ACTL10: variants seen among roughly 807,000 people sequenced by gnomAD.
ACTL10 encodes actin-like protein 10.
For missense variants in ACTL10, 413 were observed against 359.4 expected, an observed-to-expected ratio of 1.15 and a Z score of -1.21; for synonymous variants, 180 against 169.9, an observed-to-expected ratio of 1.06 and a Z score of -0.46.
At position 33,668,028 on chromosome 20, in the gene ACTL10, G is replaced by C. The variant is rs1199548854; in HGVS notation, c.531G>C (p.Glu177Asp). The change falls in exon 1 of 1, where the codon GAG (glutamate) becomes GAC (aspartate). Residue 177 changes from glutamate to aspartate, a missense_variant. Coordinates refer to ENST00000677665, the MANE Select transcript of ACTL10 (RefSeq NM_001024675.2). Reference sequence around the variant, plus strand: ...CCACACTGTTTCCTGGCTTCGCCGAGCGCCTGGACAAGGAGCTGGAGGCGC... The same window carrying C: ...CCACACTGTTTCCTGGCTTCGCCGACCGCCTGGACAAGGAGCTGGAGGCGC... ...GGSTLFPGFA[E>D]RLDKELEAQC... 3 of 1,544,976 alleles carry C rather than the reference G, an allele frequency of 1.9e-6. No homozygotes were observed. In the Admixed American group the frequency reaches 6.0e-5, roughly 31 times the overall value.
chr20:33,667,190 G>C lies in ACTL10; in HGVS notation c.-308G>C. The stretch of plus-strand genomic sequence containing the variant: ...GGCTTCACCAAGGCGGGCTTCGCGG[G>C]CGAGAACCAGCCGCGCATAGTGCTG... On this transcript the variant is annotated 5_prime_UTR_variant, in exon 1 of 1. Coordinates refer to ENST00000677665, the MANE Select transcript of ACTL10 (RefSeq NM_001024675.2). 1 of 288,970 alleles carries C rather than the reference G, an allele frequency of 3.5e-6. No individual in the cohort carries two copies. Among genetic ancestry groups the C allele is most frequent in the Non-Finnish European group, 6.4e-6 (1 of 155,672 alleles). The allele number at this position is 288,970 out of a possible 1,614,324, so 17.9% of individuals were successfully genotyped here.
In ACTL10 at chr20:33,667,566, C is replaced by A; in HGVS notation, c.69C>A (p.Gly23=). 1 of 1,554,200 alleles carries A rather than the reference C, an allele frequency of 6.4e-7. No individual in the cohort carries two copies. Among genetic ancestry groups the A allele is most frequent in the Non-Finnish European group, 8.7e-7 (1 of 1,151,896 alleles). Residue 23 remains glycine (G), a synonymous_variant, in exon 1 of 1, where the codon GGC becomes GGA. Transcript: ENST00000677665. The part of the protein sequence containing the change: ...GAFSGLAVEA[G]AGVCHATPIY... ...TCAGCGGGCTGGCCGTGGAGGCGGG[C>A]GCGGGCGTGTGCCACGCCACGCCCA...
In ACTL10 at chr20:33,667,827, C is replaced by G. The variant is rs1444464767; in HGVS notation, c.330C>G (p.Asn110Lys). 6.2e-7 allele frequency: 1 copy of G among 1,611,642 alleles called. No individual in the cohort carries two copies. Among genetic ancestry groups the G allele is most frequent in the African/African-American group, 1.3e-5 (1 of 74,920 alleles). ...ATCCGGCCAGTTTCAGCGTGGGTAACGGGTGCTGCGTCTGCCTCAGCAGTG... is the reference window on the plus strand; with the variant it reads ...ATCCGGCCAGTTTCAGCGTGGGTAAGGGGTGCTGCGTCTGCCTCAGCAGTG... ...RHHPASFSVG[N>K]GCCVCLSSER... Residue 110 changes from asparagine (N) to lysine (K), a missense_variant, in exon 1 of 1, where the codon AAC becomes AAG. Transcript: ENST00000677665.
chr20:33,668,252 G>T lies in ACTL10; in HGVS notation c.*17G>T. On this transcript the variant is annotated 3_prime_UTR_variant, in exon 1 of 1. Coordinates refer to ENST00000677665, the MANE Select transcript of ACTL10 (RefSeq NM_001024675.2). ...TTCAACTGAGTCAGGCTGGACTGGGGGGGGTGGCACTGCGTTGGGGGACAG... is the reference window on the plus strand; with the variant it reads ...TTCAACTGAGTCAGGCTGGACTGGGTGGGGTGGCACTGCGTTGGGGGACAG... The T allele has an allele frequency of 6.4e-7, 1 of 1,562,132 alleles. No homozygotes were observed. The highest frequency in any genetic ancestry group is 1.2e-5 in the South Asian group (1 of 84,464).
At position 33,667,477 on chromosome 20, in the gene ACTL10, C is replaced by T; in HGVS notation, c.-21C>T. 6.8e-7 allele frequency: 1 copy of T among 1,467,920 alleles called. No individual in the cohort carries two copies. The highest frequency in any genetic ancestry group is 1.4e-5 in the South Asian group (1 of 73,004). The allele number at this position is 1,467,920 out of a possible 1,614,324, so 90.9% of individuals were successfully genotyped here. A position where few individuals can be genotyped will look rare whatever the true frequency, so the allele number is the denominator to read the frequency against. ...GGTGGCGGAGCTGCTGTTCGAGACC[C>T]TGGCAGTGCCCGCGTGCCACATGGC... On this transcript the variant is annotated 5_prime_UTR_variant, in exon 1 of 1. Coordinates refer to ENST00000677665, the MANE Select transcript of ACTL10 (RefSeq NM_001024675.2).
Position 33,667,804 on chromosome 20 carries a change from C to T in ACTL10, c.307C>T (p.Pro103Ser), listed in dbSNP as rs1485861335. Reference protein sequence around the residue: ...GDLRDPARHHPASFSVGNGCC... With the variant: ...GDLRDPARHHSASFSVGNGCC... ...CCTCCGCGACCCCGCCCGCCACCAT[C>T]CGGCCAGTTTCAGCGTGGGTAACGG... The change falls in exon 1 of 1, where the codon CCG becomes TCG. Residue 103 changes from proline (P) to serine (S), a missense_variant. Pro to Ser is a moderately conservative substitution (Grantham distance 74, BLOSUM62 -1). Transcript: ENST00000677665. 7 of 1,612,520 alleles carry T rather than the reference C, an allele frequency of 4.3e-6. No individual in the cohort carries two copies. Among genetic ancestry groups the T allele is most frequent in the Non-Finnish European group, 8.5e-7 (1 of 1,179,874 alleles).
In ACTL10 at chr20:33,668,076, G is replaced by A. The variant is rs41290882; in HGVS notation, c.579G>A (p.Ala193=). ...LEAQCRRHGY[A]ALRPHLVAKH... ...CGCAGTGCCGGCGGCACGGCTACGC[G>A]GCCCTGCGGCCCCACCTGGTGGCCA... is the stretch of plus-strand genomic sequence containing the variant. Residue 193 remains alanine, a synonymous_variant, in exon 1 of 1, where the codon GCG becomes GCA. Coordinates refer to ENST00000677665, the MANE Select transcript of ACTL10 (RefSeq NM_001024675.2). The A allele has an allele frequency of 8.2e-6, 13 of 1,583,948 alleles. No homozygotes were observed. Among genetic ancestry groups the A allele is most frequent in the Non-Finnish European group, 8.6e-6 (10 of 1,165,752 alleles).
In ACTL10 at chr20:33,667,484, T is replaced by TGCCC; in HGVS notation, c.-11_-8dup. ...GAGCTGCTGTTCGAGACCCTGGCAG[T>TGCCC]GCCCGCGTGCCACATGGCTAGCACC... On this transcript the variant is annotated 5_prime_UTR_variant, in exon 1 of 1. Transcript: ENST00000677665. 1 of 1,470,948 alleles carries TGCCC rather than the reference T, an allele frequency of 6.8e-7. No individual in the cohort carries two copies. Among genetic ancestry groups the TGCCC allele is most frequent in the Non-Finnish European group, 9.0e-7 (1 of 1,114,662 alleles). 91.1% of individuals were successfully genotyped at this position (1,470,948 alleles called of 1,614,324 possible).
In ACTL10 at chr20:33,668,256, GT is replaced by G; in HGVS notation, c.*22del. On this transcript the variant is annotated 3_prime_UTR_variant, in exon 1 of 1. Transcript: ENST00000677665. ...ACTGAGTCAGGCTGGACTGGGGGGG[GT>G]GGCACTGCGTTGGGGGACAGCTCTC... is the stretch of plus-strand genomic sequence containing the variant. 6.4e-7 allele frequency: 1 copy of G among 1,556,646 alleles called. No individual in the cohort carries two copies. The highest frequency in any genetic ancestry group is 8.7e-7 in the Non-Finnish European group (1 of 1,149,356).
chr20:33,667,872 A>T lies in ACTL10; in HGVS notation c.375A>T (p.Glu125Asp), dbSNP rs763745772. ...CLSSERFRCP[E>D]PIFQPGLLGQ... ...GCAGTGAGCGCTTCCGCTGCCCCGA[A>T]CCCATCTTCCAGCCGGGCCTGCTGG... The change falls in exon 1 of 1, where the codon GAA becomes GAT. Residue 125 changes from glutamate (E) to aspartate (D), a missense_variant. Glu to Asp is a conservative substitution (Grantham distance 45). Coordinates refer to ENST00000677665, the MANE Select transcript of ACTL10 (RefSeq NM_001024675.2). The T allele has an allele frequency of 1.2e-5, 20 of 1,600,054 alleles. No individual in the cohort carries two copies. Among genetic ancestry groups the T allele is most frequent in the Middle Eastern group, 1.7e-4 (1 of 5,966 alleles).
chr20:33,668,235 A>G lies in ACTL10; in HGVS notation c.738A>G (p.Ter246TrpextTer18). The change falls in exon 1 of 1, where the codon TGA (stop) becomes TGG (tryptophan). Residue 246 changes from the stop codon to tryptophan (W), a stop_lost. Transcript: ENST00000677665. The stretch of plus-strand genomic sequence containing the variant: ...GGCTGCTGTACGATGTGTTCAACTG[A>G]GTCAGGCTGGACTGGGGGGGGTGGC... ...GSRLLYDVFN* is the reference protein window; with the variant it reads ...GSRLLYDVFNW The G allele has an allele frequency of 6.4e-7, 1 of 1,574,178 alleles. No individual in the cohort carries two copies. Among genetic ancestry groups the G allele is most frequent in the Non-Finnish European group, 8.6e-7 (1 of 1,157,200 alleles).
chr20:33,667,334 G>C lies in ACTL10; in HGVS notation c.-164G>C. On this transcript the variant is annotated 5_prime_UTR_variant, in exon 1 of 1. Transcript: ENST00000677665. Reference sequence around the variant, plus strand: ...ATCAAGCACGGCGTGGTGGCGGACTGGGAGGCGCTGGAAGGGCTGTGGGAG... The same window carrying C: ...ATCAAGCACGGCGTGGTGGCGGACTCGGAGGCGCTGGAAGGGCTGTGGGAG... The C allele has an allele frequency of 1.1e-6, 1 of 913,450 alleles. No homozygotes were observed. The highest frequency in any genetic ancestry group is 1.5e-6 in the Non-Finnish European group (1 of 679,002). 56.6% of individuals were successfully genotyped at this position (913,450 alleles called of 1,614,324 possible). A position where few individuals can be genotyped will look rare whatever the true frequency, so the allele number is the denominator to read the frequency against.
At position 33,667,847 on chromosome 20, in the gene ACTL10, G is replaced by A. The variant is rs1353339304; in HGVS notation, c.350G>A (p.Ser117Asn). 2 of 1,609,134 alleles carry A rather than the reference G, an allele frequency of 1.2e-6. No individual in the cohort carries two copies. Among genetic ancestry groups the A allele is most frequent in the East Asian group, 2.2e-5 (1 of 44,690 alleles). Residue 117 changes from serine to asparagine, a missense_variant, in exon 1 of 1, where the codon AGC (serine) becomes AAC (asparagine). Transcript: ENST00000677665. ...GGTAACGGGTGCTGCGTCTGCCTCA[G>A]CAGTGAGCGCTTCCGCTGCCCCGAA... ...SVGNGCCVCLSSERFRCPEPI... is the reference protein window; with the variant it reads ...SVGNGCCVCLNSERFRCPEPI...
Position 33,667,440 on chromosome 20 carries a change from G to A in ACTL10, c.-58G>A. 1 of 1,411,062 alleles carries A rather than the reference G, an allele frequency of 7.1e-7. No individual in the cohort carries two copies. 87.4% of individuals were successfully genotyped at this position (1,411,062 alleles called of 1,614,324 possible). A position where few individuals can be genotyped will look rare whatever the true frequency, so the allele number is the denominator to read the frequency against. On this transcript the variant is annotated 5_prime_UTR_variant, in exon 1 of 1. Transcript: ENST00000677665. The stretch of plus-strand genomic sequence containing the variant: ...GCGACTCGCCGTTGGCGCCGCCCGC[G>A]GGCCGCGAAAGGGTGGCGGAGCTGC...
In ACTL10 at chr20:33,667,181, G is replaced by C. The variant is rs1347532289; in HGVS notation, c.-317G>C. ...CAGGGCTCGGGCTTCACCAAGGCGGGCTTCGCGGGCGAGAACCAGCCGCGC... is the reference window on the plus strand; with the variant it reads ...CAGGGCTCGGGCTTCACCAAGGCGGCCTTCGCGGGCGAGAACCAGCCGCGC... On this transcript the variant is annotated 5_prime_UTR_variant, in exon 1 of 1. Transcript: ENST00000677665. 7.4e-6 allele frequency: 2 copies of C among 268,754 alleles called. No individual in the cohort carries two copies. Among genetic ancestry groups the C allele is most frequent in the African/African-American group, 4.4e-5 (2 of 45,160 alleles). The allele number at this position is 268,754 out of a possible 1,614,324, so 16.6% of individuals were successfully genotyped here.
rs199763485 is a variant in ACTL10 at position 33,668,111 on chromosome 20, G to C, written c.614G>C (p.Arg205Pro). The C allele has an allele frequency of 5.0e-6, 8 of 1,608,952 alleles. No individual in the cohort carries two copies. The South Asian group carries it at 8.8e-5, about 18-fold the overall frequency. The change falls in exon 1 of 1, where the codon CGT becomes CCT. Residue 205 changes from arginine to proline, a missense_variant. Physicochemically the swap from Arg to Pro is moderately radical, Grantham distance 103. Coordinates refer to ENST00000677665, the MANE Select transcript of ACTL10 (RefSeq NM_001024675.2). ...LRPHLVAKHG[R>P]GMAVWTGGSM... is the part of the protein sequence containing the mutation. ...CCCCACCTGGTGGCCAAGCATGGGC[G>C]TGGCATGGCTGTGTGGACCGGCGGC...
In ACTL10 at chr20:33,667,693, G is replaced by C; in HGVS notation, c.196G>C (p.Asp66His). 1 of 1,612,060 alleles carries C rather than the reference G, an allele frequency of 6.2e-7. No homozygotes were observed. Among genetic ancestry groups the C allele is most frequent in the Non-Finnish European group, 8.5e-7 (1 of 1,179,874 alleles). Residue 66 changes from aspartate (D) to histidine (H), a missense_variant, in exon 1 of 1, where the codon GAC becomes CAC. Physicochemically the swap from Asp to His is moderately conservative, Grantham distance 81. Transcript: ENST00000677665. The part of the protein sequence containing the change: ...LRDLLVAANP[D>H]LLQQALPRKA... ...GGATCTGCTGGTGGCGGCGAACCCT[G>C]ACCTCTTGCAGCAGGCCCTGCCCCG...
chr20:33,668,351 C>A lies in ACTL10; in HGVS notation c.*116C>A, dbSNP rs943392063. 5 of 1,383,926 alleles carry A rather than the reference C, an allele frequency of 3.6e-6. No individual in the cohort carries two copies. The highest frequency in any genetic ancestry group is 3.8e-6 in the Non-Finnish European group (4 of 1,039,218). The allele number at this position is 1,383,926 out of a possible 1,614,324, so 85.7% of individuals were successfully genotyped here. Reference sequence around the variant, plus strand: ...AGGTTGGAGCTGACTGGATGGGTCACCCCCATACCCTTTCTGGGCCAGGAG... The same window carrying A: ...AGGTTGGAGCTGACTGGATGGGTCAACCCCATACCCTTTCTGGGCCAGGAG... On this transcript the variant is annotated 3_prime_UTR_variant, in exon 1 of 1. Coordinates refer to ENST00000677665, the MANE Select transcript of ACTL10 (RefSeq NM_001024675.2).
Position 33,667,617 on chromosome 20 carries a change from G to A in ACTL10, c.120G>A (p.Gln40=), listed in dbSNP as rs1417595768. 6.3e-7 allele frequency: 1 copy of A among 1,596,148 alleles called. No individual in the cohort carries two copies. The highest frequency in any genetic ancestry group is 8.5e-7 in the Non-Finnish European group (1 of 1,173,342). ...TCTACGCGGGTCACTCGTGGCACCA[G>A]GCCACCTTCCGACTGAACGTGGCAG... ...TPIYAGHSWH[Q]ATFRLNVAGS... The change falls in exon 1 of 1, where the codon CAG becomes CAA. Residue 40 remains glutamine, a synonymous_variant. Coordinates refer to ENST00000677665, the MANE Select transcript of ACTL10 (RefSeq NM_001024675.2).
Sources: gnomAD v4.1 joint callset for allele counts on GRCh38, gnomAD v4.1.1 for gene constraint, MANE v1.5 for transcripts, NCBI Gene and HGNC (gene_info 2026-07-23, HGNC 2026-07-21) for gene names.